Variants in XKR9 observed in about 807,000 individuals in gnomAD.
The protein encoded by XKR9 is XK related 9, also known as XK-related protein 9.
Under a neutral mutation model 32.0 loss-of-function variants are expected in XKR9, and 32 were observed. The observed-to-expected ratio is 1.00, with a 90% CI of 0.76 to 1.34. The LOEUF (loss-of-function observed/expected upper bound fraction) is 1.34. Among genes scored for constraint, XKR9 ranks in the 40% most tolerant of loss-of-function variants. The probability of loss-of-function intolerance (pLI) is 0.00; values close to 1 mark genes in which losing one functional copy is unlikely to be tolerated. For missense variants in XKR9, 546 were observed against 429.7 expected (o/e 1.27, Z -2.39); for synonymous variants, 168 against 143.4 (o/e 1.17, Z -1.22).
In XKR9 at chr8:70,713,710, A is replaced by G. The variant is rs1039069872; in HGVS notation, c.493+6557A>G. Among the ~76,000 whole-genome samples the G allele has an allele frequency of 7.2e-5, 11 of 152,186 alleles. 1 individual carries two copies. Among genetic ancestry groups the G allele is most frequent in the Non-Finnish European group, 4.4e-5 (3 of 68,026 alleles). On this transcript the variant is annotated intron_variant, in intron 4 of 4. Transcript: ENST00000408926. ...AATACAGGACAATGATAACATGTAA[A>G]TCAGATGGAGAATAAGTGGAGTTAA...
At chr8:70,670,288 C>T (rs1818668389) in intron 1 of XKR9, among the ~76,000 whole-genome samples, 1 of 152,076 alleles carries the variant, frequency 6.6e-6, no homozygotes, top group Non-Finnish European at 1.5e-5. Context: ...CCGTTTTGTG[C>T]CCAAGATGGA....
chr8:70,813,435 A>G, the XKR9 span, among the ~76,000 whole-genome samples: 2 of 152,240 alleles, frequency 1.3e-5, no homozygotes, highest in African/African-American at 4.8e-5. Flanking sequence ...ACCAAAATTG[A>G]CAAACATGAT....
At chr8:70,933,276 T>A in the XKR9 span, among the ~76,000 whole-genome samples, 1 of 152,056 alleles carries the variant, frequency 6.6e-6, no homozygotes, top group Non-Finnish European at 1.5e-5. Flanking sequence ...TTAAGAATCA[T>A]CTTTCTTTTC....
At chr8:70,771,286 T>C (rs576228300) in intron 2 of XKR9, among the ~76,000 whole-genome samples, 2 of 152,280 alleles carry the variant, frequency 1.3e-5, no homozygotes, top group South Asian at 4.1e-4. Context: ...GGTACCTCAG[T>C]TGGAAATGCA....
In XKR9 at chr8:70,685,275, C is replaced by T. The variant is rs1819225184; in HGVS notation, c.272+3945C>T. On this transcript the variant is annotated intron_variant, in intron 3 of 4. Transcript: ENST00000408926. ...AAACCAAACACCGCATATTCTCACT[C>T]GTAGGTGGGAATTGAACAATGAGAA... is the stretch of plus-strand genomic sequence containing the variant. Among the ~76,000 whole-genome samples, 5 of 142,158 alleles carry T rather than the reference C, an allele frequency of 3.5e-5. No homozygotes were observed. The South Asian group carries it at 6.8e-4, about 19-fold the overall frequency. 93.3% of individuals were successfully genotyped at this position (142,158 alleles called of 152,430 possible).
chr8:71,027,800 C>T, the XKR9 span, among the ~76,000 whole-genome samples: 20 of 150,258 alleles, frequency 1.3e-4, no homozygotes, highest in Admixed American at 2.7e-4. Flanking sequence ...GGTCTCACTC[C>T]GTCATCCAGG....
At chr8:70,892,369 A>T in the XKR9 span, among the ~76,000 whole-genome samples, 1 of 151,872 alleles carries the variant, frequency 6.6e-6, no homozygotes, top group Non-Finnish European at 1.5e-5. Flanking sequence ...CAGTTTGGAG[A>T]TTTTATGCAG....
chr8:70,927,725 A>G, the XKR9 span, among the ~76,000 whole-genome samples: 1 of 152,254 alleles, frequency 6.6e-6, no homozygotes, highest in South Asian at 2.1e-4. Context: ...ATACCACCAC[A>G]CTGAAAATTA....
chr8:70,941,729 T>G, the XKR9 span, among the ~76,000 whole-genome samples: 5 of 152,182 alleles, frequency 3.3e-5, no homozygotes, highest in African/African-American at 1.2e-4. Context: ...GGAGTAATTA[T>G]AAAGGCTACC....
chr8:70,935,007 A>C, the XKR9 span, among the ~76,000 whole-genome samples: 1 of 151,340 alleles, frequency 6.6e-6, no homozygotes, highest in African/African-American at 2.4e-5. Flanking sequence ...TGGATTTTAT[A>C]AAATAAGAAG....
At chr8:70,713,682 G>C (rs569085384) in intron 4 of XKR9, among the ~76,000 whole-genome samples, 83 of 151,192 alleles carry the variant, frequency 5.5e-4, no homozygotes, top group African/African-American at 2.0e-3. Flanking sequence ...GAAGAAGAAT[G>C]AAAATACAGG....
At chr8:70,894,796 C>T in the XKR9 span, among the ~76,000 whole-genome samples, 1 of 152,080 alleles carries the variant, frequency 6.6e-6, no homozygotes, top group East Asian at 1.9e-4. Flanking sequence ...AACGACTCCA[C>T]TTCTGCTTGC....
At chr8:70,912,404 A>C in the XKR9 span, among the ~76,000 whole-genome samples, 540 of 152,268 alleles carry the variant, frequency 3.5e-3, 2 homozygotes, top group Middle Eastern at 0.034. Context: ...AGGAGGGGGC[A>C]GAATCTAGAC....
chr8:70,811,315 C>A, the XKR9 span, among the ~76,000 whole-genome samples: 1 of 152,154 alleles, frequency 6.6e-6, no homozygotes, highest in Non-Finnish European at 1.5e-5. Context: ...ATTTATAGCA[C>A]TAAATGCCCA....
the XKR9 span, among the ~76,000 whole-genome samples, chr8:71,036,409 A>G: frequency 6.6e-6 from 1 of 152,188 alleles, no homozygotes. Flanking sequence ...TAAAGTTTTA[A>G]CAGAGGGAAA....
the XKR9 span, among the ~76,000 whole-genome samples, chr8:71,040,469 A>G: frequency 6.6e-6 from 1 of 152,202 alleles, no homozygotes; most frequent in African/African-American, 2.4e-5. Context: ...CATTAATTTA[A>G]TAAGTATTTT....
the XKR9 span, among the ~76,000 whole-genome samples, chr8:70,965,852 T>C: frequency 1.3e-5 from 2 of 152,162 alleles, no homozygotes; most frequent in Non-Finnish European, 2.9e-5. Flanking sequence ...CTCCTTCAGT[T>C]CAGCTCTGAT....
the XKR9 span, among the ~76,000 whole-genome samples, chr8:70,811,045 G>A: frequency 6.6e-6 from 1 of 152,108 alleles, no homozygotes. Flanking sequence ...TGGAAGTAAA[G>A]CACTCCTCAC....
the XKR9 span, among the ~76,000 whole-genome samples, chr8:70,852,069 A>G: frequency 1.3e-5 from 2 of 152,262 alleles, no homozygotes; most frequent in Non-Finnish European, 2.9e-5. Context: ...TCTACAAGGA[A>G]CTTAAACAGA....
Sources: allele counts gnomAD v4.1 joint callset (sites outside exome capture counted in the v4.1 genomes callset), GRCh38; gene constraint gnomAD v4.1.1; transcripts MANE v1.5; gene names NCBI Gene and HGNC (gene_info 2026-07-23, HGNC 2026-07-21).